Variants in SPECC1L observed in about 807,000 individuals in gnomAD.
SPECC1L encodes sperm antigen with calponin homology and coiled-coil domains 1 like.
Under a neutral mutation model 116.8 loss-of-function variants are expected in SPECC1L, and 40 were observed. That is an observed-to-expected ratio of 0.34 (90% CI 0.27 to 0.45). SPECC1L has a LOEUF of 0.45. Among genes scored for constraint, SPECC1L ranks in the 20% least tolerant of loss-of-function variants. The probability of loss-of-function intolerance (pLI) is 1.00; values close to 1 mark genes in which losing one functional copy is unlikely to be tolerated. For missense variants in SPECC1L, 1,110 were observed against 1,373.6 expected, an observed-to-expected ratio of 0.81 and a Z score of 3.03; for synonymous variants, 504 against 500.6, an observed-to-expected ratio of 1.01 and a Z score of -0.09.
At chr22:24,284,956 A>G (rs1401627566) in intron 2 of SPECC1L, among the ~76,000 whole-genome samples, 1 of 152,182 alleles carries the variant, frequency 6.6e-6, no homozygotes, top group East Asian at 1.9e-4. Context: ...AGGGACAATC[A>G]AAGGAAAAGT....
intron 8 of SPECC1L, among the ~76,000 whole-genome samples, chr22:24,333,899 T>G (rs1326391327): frequency 6.6e-6 from 1 of 152,114 alleles, no homozygotes; most frequent in Non-Finnish European, 1.5e-5. Context: ...TAGGATAACC[T>G]GATATAAAAA....
rs143802178 is a variant in SPECC1L, at chr22:24,286,370, G to T, written c.-38+9567G>T. 5.7e-3 allele frequency among the ~76,000 whole-genome samples: 866 copies of T among 152,210 alleles called. 5 individuals are homozygous for T. The highest frequency in any genetic ancestry group is 0.02 in the African/African-American group (834 of 41,518). ...ATTCTGTTTTTTTAGTACCTGATTG[G>T]TTATGTTATATTGACATTCTCGCAT... On this transcript the variant is annotated intron_variant, in intron 2 of 16. Transcript: ENST00000314328.
At chr22:24,307,117 G>A (rs1273610045) in intron 3 of SPECC1L, among the ~76,000 whole-genome samples, 1 of 152,180 alleles carries the variant, frequency 6.6e-6, no homozygotes, top group East Asian at 1.9e-4. Context: ...GAATATGGGT[G>A]TACAAAGATC....
At chr22:24,345,496 T>C (rs2041273484) in intron 10 of SPECC1L, among the ~76,000 whole-genome samples, 1 of 151,968 alleles carries the variant, frequency 6.6e-6, no homozygotes. Context: ...GTTAAGAAAA[T>C]ACAAAAAGCA....
chr22:24,296,947 C>CCTTTTTT (rs1556168016), intron 2 of SPECC1L, among the ~76,000 whole-genome samples: 4 of 123,286 alleles, frequency 3.2e-5, no homozygotes, highest in Non-Finnish European at 5.3e-5. Flanking sequence ...TTTAGAATAT[C>CCTTTTTT]TTTTTTTTTT....
At chr22:24,377,034 C>T (rs1345478840) in intron 14 of SPECC1L, among the ~76,000 whole-genome samples, 2 of 152,056 alleles carry the variant, frequency 1.3e-5, no homozygotes, top group East Asian at 3.8e-4. Context: ...CTATAGGCAA[C>T]CACTAATCTA....
At chr22:24,296,669 T>TG (rs770467180) in intron 2 of SPECC1L, among the ~76,000 whole-genome samples, 168 of 152,340 alleles carry the variant, frequency 1.1e-3, no homozygotes, top group Non-Finnish European at 1.9e-3. Context: ...AATCTCTGCC[T>TG]GGGGGGGCTC....
chr22:24,303,226 T>C (rs1189776259), intron 3 of SPECC1L, among the ~76,000 whole-genome samples: 1 of 152,218 alleles, frequency 6.6e-6, no homozygotes, highest in African/African-American at 2.4e-5. Context: ...CTTATATGTG[T>C]AGAAAGATCT....
intron 11 of SPECC1L, among the ~76,000 whole-genome samples, chr22:24,360,412 G>A (rs540514357): frequency 3.2e-4 from 48 of 152,264 alleles, no homozygotes; most frequent in South Asian, 1.9e-3. Flanking sequence ...TTCTCAGTGC[G>A]TTTTTGTGTA....
intron 14 of SPECC1L, among the ~76,000 whole-genome samples, chr22:24,378,201 T>G (rs1256270152): frequency 6.6e-6 from 1 of 152,236 alleles, no homozygotes; most frequent in Non-Finnish European, 1.5e-5. Context: ...GGAGATGGCT[T>G]CTTTCCTTCA....
Position 24,299,270 on chromosome 22 carries a change from A to T in SPECC1L, c.-37-2925A>T, listed in dbSNP as rs118106991. 8.4e-3 allele frequency among the ~76,000 whole-genome samples: 1,273 copies of T among 152,282 alleles called. 13 individuals carry two copies. Among genetic ancestry groups the T allele is most frequent in the Non-Finnish European group, 0.012 (818 of 68,024 alleles). On this transcript the variant is annotated intron_variant, in intron 2 of 16. Coordinates refer to ENST00000314328, the MANE Select transcript of SPECC1L (RefSeq NM_015330.6). ...TTCAGGATAGTAAAGGTATATTTTC[A>T]ATAGTTTTTAAAGAACGGGGGTGAG...
intron 14 of SPECC1L, among the ~76,000 whole-genome samples, chr22:24,409,709 T>C (rs1364957198): frequency 6.6e-6 from 1 of 152,178 alleles, no homozygotes; most frequent in African/African-American, 2.4e-5. Context: ...ACAAATACTT[T>C]AAAATATGGA....
chr22:24,309,679 G>A (rs1271232382), intron 3 of SPECC1L, among the ~76,000 whole-genome samples: 1 of 152,152 alleles, frequency 6.6e-6, no homozygotes, highest in Non-Finnish European at 1.5e-5. Context: ...AATTACAGGC[G>A]TGAGCCACTG....
Position 24,322,470 on chromosome 22 carries a change from A to T in SPECC1L, c.1490A>T (p.Asp497Val), listed in dbSNP as rs1323932106. 1 of 1,614,042 alleles carries T rather than the reference A, an allele frequency of 6.2e-7. No individual in the cohort carries two copies. The highest frequency in any genetic ancestry group is 8.5e-7 in the Non-Finnish European group (1 of 1,180,046). ...ATGGAATTAGAGCAACGTTACATGG[A>T]CCTCGCTGAGAATGCCCGTTTTGAA... ...RYMELEQRYM[D>V]LAENARFERE... The change falls in exon 5 of 17, where the codon GAC becomes GTC. Residue 497 changes from aspartate (D) to valine (V), a missense_variant. Asp to Val is a radical substitution (Grantham distance 152). Transcript: ENST00000314328.
chr22:24,369,181 A>G, intron 13 of SPECC1L, 37 bp from the exon 14 acceptor site: 1 of 1,516,914 alleles, frequency 6.6e-7, no homozygotes. Flanking sequence ...TGGTGCCCAA[A>G]CAAAAAATAT....
intron 6 of SPECC1L, among the ~76,000 whole-genome samples, chr22:24,326,200 A>C (rs1263689051): frequency 6.6e-6 from 1 of 152,112 alleles, no homozygotes; most frequent in Non-Finnish European, 1.5e-5. Flanking sequence ...TGATCAGCAG[A>C]TATTACAGGC....
chr22:24,350,409 G>A (rs750249380), intron 11 of SPECC1L, among the ~76,000 whole-genome samples: 6 of 152,166 alleles, frequency 3.9e-5, no homozygotes, highest in Non-Finnish European at 7.3e-5. Context: ...AAAAAATTGT[G>A]AGGTGAGTGA....
chr22:24,295,676 G>T (rs1013307955), intron 2 of SPECC1L, among the ~76,000 whole-genome samples: 9 of 152,152 alleles, frequency 5.9e-5, no homozygotes, highest in African/African-American at 2.2e-4. Context: ...CACGGGCCCG[G>T]CGCGGTGGCT....
In SPECC1L at chr22:24,288,615, CTTTTTTTTT is replaced by C. The variant is rs756714389; in HGVS notation, c.-38+11833_-38+11841del. ...GACTTCTCAAATCCAAAATTTTAAG[CTTTTTTTTT>C]TTTTTTTTTTTTTTTTTTTTGGACA... On this transcript the variant is annotated intron_variant, in intron 2 of 16. Coordinates refer to ENST00000314328, the MANE Select transcript of SPECC1L (RefSeq NM_015330.6). 9.1e-4 allele frequency among the ~76,000 whole-genome samples: 56 copies of C among 61,672 alleles called. 1 individual carries two copies. The South Asian group carries it at 0.013, about 14-fold the overall frequency. 40.5% of individuals were successfully genotyped at this position (61,672 alleles called of 152,430 possible). A position where few individuals can be genotyped will look rare whatever the true frequency, so the allele number is the denominator to read the frequency against.
Sources: gnomAD v4.1 joint callset for allele counts (sites outside exome capture counted in the v4.1 genomes callset) on GRCh38, gnomAD v4.1.1 for gene constraint, MANE v1.5 for transcripts, NCBI Gene and HGNC (gene_info 2026-07-23, HGNC 2026-07-21) for gene names.